Variants in ZNF423 observed in about 807,000 individuals in gnomAD.
ZNF423 encodes the protein Ebf-associated zinc finger protein.
In ZNF423, 12 loss-of-function variants were observed where a neutral mutation model predicts 95.8. The ratio of observed to expected loss-of-function variants is 0.13; its 90% CI spans 0.08 to 0.20. The LOEUF (loss-of-function observed/expected upper bound fraction) is 0.20, where lower values mean the gene tolerates loss of function less well. Ranked by LOEUF, ZNF423 falls within the 10% of genes least tolerant of loss-of-function variation. ZNF423 has a pLI of 1.00. For missense variants in ZNF423, 1,316 were observed against 1,737.1 expected, an observed-to-expected ratio of 0.76 and a Z score of 4.31; for synonymous variants, 749 against 711.9, an observed-to-expected ratio of 1.05 and a Z score of -0.83.
chr16:49,783,050 G>A (rs372795737), intron 2 of ZNF423, among the ~76,000 whole-genome samples: 14 of 151,992 alleles, frequency 9.2e-5, no homozygotes, highest in East Asian at 1.9e-4. Flanking sequence ...CCACATGGTC[G>A]TGTTGGTTCC....
At chr16:49,651,439 G>A (rs1217216221) in intron 3 of ZNF423, among the ~76,000 whole-genome samples, 1 of 152,128 alleles carries the variant, frequency 6.6e-6, no homozygotes, top group East Asian at 1.9e-4. Flanking sequence ...CCACCCCCCT[G>A]CATGCCCAGC....
chr16:49,633,720 C>T (rs1008302197), intron 4 of ZNF423, among the ~76,000 whole-genome samples: 2 of 152,096 alleles, frequency 1.3e-5, no homozygotes, highest in African/African-American at 4.8e-5. Context: ...GAAACCAGTG[C>T]CCATGCTCAG....
chr16:49,515,725 C>T (rs1968104660), intron 7 of ZNF423, among the ~76,000 whole-genome samples: 1 of 152,218 alleles, frequency 6.6e-6, no homozygotes, highest in African/African-American at 2.4e-5. Context: ...CCCTGTATGG[C>T]TGGTAAGCCG....
intron 1 of ZNF423, among the ~76,000 whole-genome samples, chr16:49,829,013 GC>G (rs2035035094): frequency 1.3e-5 from 2 of 152,140 alleles, no homozygotes; most frequent in African/African-American, 4.8e-5. Flanking sequence ...TGCCAACCCA[GC>G]CAGAGCAAGC....
At chr16:49,776,292 T>G (rs1406910030) in intron 2 of ZNF423, among the ~76,000 whole-genome samples, 1 of 152,194 alleles carries the variant, frequency 6.6e-6, no homozygotes, top group African/African-American at 2.4e-5. Context: ...GCGGCTACTC[T>G]GGCCTGCGAG....
chr16:49,739,363 C>CT (rs781675543), intron 2 of ZNF423, among the ~76,000 whole-genome samples: 3 of 152,138 alleles, frequency 2.0e-5, no homozygotes, highest in African/African-American at 4.8e-5. Flanking sequence ...TCACATGCTC[C>CT]TGAGGATGCA....
At position 49,636,568 on chromosome 16, in the gene ZNF423, G is replaced by C. The variant is rs774348975; in HGVS notation, c.2608C>G (p.Leu870Val). 1 of 1,614,012 alleles carries C rather than the reference G, an allele frequency of 6.2e-7. No individual in the cohort carries two copies. The highest frequency in any genetic ancestry group is 8.5e-7 in the Non-Finnish European group (1 of 1,180,018). ...TTAGGTGCCTCAGGGTTCTTAAGCA[G>C]CATGCCCTGCAGGTCAGCAGGCTCA... is the stretch of plus-strand genomic sequence containing the variant. ...KAEPADLQGMLLKNPEAPNSH... is the reference protein window; with the variant it reads ...KAEPADLQGMVLKNPEAPNSH... The change falls in exon 4 of 8, where the codon CTG becomes GTG. Residue 870 changes from leucine (L) to valine (V), a missense_variant. Physicochemically the swap from Leu to Val is conservative, Grantham distance 32. Transcript: ENST00000563137. This position sits in a 1 kb window ranked among gnomAD's most constrained non-coding sequence, Gnocchi z 8.6.
At chr16:49,562,282 C>G (rs375068645) in intron 5 of ZNF423, among the ~76,000 whole-genome samples, 1 of 152,228 alleles carries the variant, frequency 6.6e-6, no homozygotes, top group Non-Finnish European at 1.5e-5. Flanking sequence ...AGACAGGTCT[C>G]AGTCCCAGCC....
chr16:49,776,466 G>A (rs1225176791), intron 2 of ZNF423, among the ~76,000 whole-genome samples: 2 of 152,164 alleles, frequency 1.3e-5, no homozygotes, highest in African/African-American at 2.4e-5. Flanking sequence ...GGCCATTGTC[G>A]GCCTTTGTTT....
At chr16:49,650,852 G>A (rs1973373870) in intron 3 of ZNF423, among the ~76,000 whole-genome samples, 1 of 152,178 alleles carries the variant, frequency 6.6e-6, no homozygotes, top group African/African-American at 2.4e-5. Context: ...GAGAAATGAT[G>A]CCCTGAGCAA....
chr16:49,728,399 C>G (rs991679743), intron 3 of ZNF423, among the ~76,000 whole-genome samples: 2 of 152,212 alleles, frequency 1.3e-5, no homozygotes, highest in Non-Finnish European at 2.9e-5. Flanking sequence ...GAATTTCTGA[C>G]TCCCTTCCAA....
chr16:49,747,132 C>T (rs575809937), intron 2 of ZNF423, among the ~76,000 whole-genome samples: 35 of 152,186 alleles, frequency 2.3e-4, no homozygotes, highest in African/African-American at 7.2e-4. Flanking sequence ...TGTGAAAGTC[C>T]GCCGTGAGAG....
intron 1 of ZNF423, among the ~76,000 whole-genome samples, chr16:49,813,999 C>T (rs1326310721): frequency 6.6e-6 from 1 of 152,236 alleles, no homozygotes; most frequent in Non-Finnish European, 1.5e-5. Flanking sequence ...TCCTCAAGGA[C>T]GTTAGCAGGA....
intron 5 of ZNF423, among the ~76,000 whole-genome samples, chr16:49,534,917 C>T (rs927272354): frequency 6.6e-6 from 1 of 152,176 alleles, no homozygotes; most frequent in Non-Finnish European, 1.5e-5. Context: ...CTTCCTACTT[C>T]GGGCCATATG....
Position 49,783,979 on chromosome 16 carries a change from A to G in ZNF423, c.100+5508T>C, listed in dbSNP as rs182817760. On this transcript the variant is annotated intron_variant, in intron 2 of 7. Transcript: ENST00000563137. ...GCAAGACTCCAACTCAAAAAAAAAA[A>G]AAAAGAAAAGAAAAAGAAATCCATG... 8.2e-4 allele frequency among the ~76,000 whole-genome samples: 125 copies of G among 151,964 alleles called. 2 individuals are homozygous for G. In the East Asian group the frequency reaches 0.014, roughly 16 times the overall value.
At chr16:49,788,926 C>T (rs1157006310) in intron 2 of ZNF423, among the ~76,000 whole-genome samples, 4 of 152,236 alleles carry the variant, frequency 2.6e-5, no homozygotes, top group South Asian at 2.1e-4. Flanking sequence ...CTTTACTCAT[C>T]CACCTCTTTT....
At chr16:49,811,441 C>T (rs1421780750) in intron 1 of ZNF423, among the ~76,000 whole-genome samples, 1 of 152,190 alleles carries the variant, frequency 6.6e-6, no homozygotes, top group African/African-American at 2.4e-5. Flanking sequence ...ACCCAGCCCA[C>T]GCTGCCACCC....
At chr16:49,746,410 C>T (rs897834051) in intron 2 of ZNF423, among the ~76,000 whole-genome samples, 1 of 152,192 alleles carries the variant, frequency 6.6e-6, no homozygotes, top group African/African-American at 2.4e-5. Flanking sequence ...TTGCCCTTAT[C>T]AATCACAGTG....
intron 1 of ZNF423, among the ~76,000 whole-genome samples, chr16:49,819,450 G>A (rs887869817): frequency 6.6e-6 from 1 of 151,324 alleles, no homozygotes; most frequent in East Asian, 2.0e-4. Flanking sequence ...GCTCATCCAC[G>A]AGTATCTTTT....
Sources: gnomAD v4.1 joint callset for allele counts (sites outside exome capture counted in the v4.1 genomes callset) on GRCh38, gnomAD v4.1.1 for gene constraint, Gnocchi (gnomAD v3.1) non-coding constraint, MANE v1.5 for transcripts, NCBI Gene and HGNC (gene_info 2026-07-23, HGNC 2026-07-21) for gene names.